Variants in C13orf42 observed in about 807,000 individuals in gnomAD.
C13orf42 encodes the protein chromosome 13 open reading frame 42, also known as uncharacterized protein C13orf42.
intron 1 of C13orf42, among the ~76,000 whole-genome samples, chr13:51,109,478 C>T (rs557811675): frequency 1.3e-5 from 2 of 152,042 alleles, no homozygotes; most frequent in Non-Finnish European, 2.9e-5. Context: ...CTGAGTTTGG[C>T]GACTCATACC....
Position 51,151,001 on chromosome 13 carries a change from GGCCTGAGCTGTGT to G in C13orf42, n.136+21239_136+21251del, listed in dbSNP as rs141862882. Among the ~76,000 whole-genome samples the G allele has an allele frequency of 4.5e-3, 679 of 152,232 alleles. 3 individuals carry two copies. The highest frequency in any genetic ancestry group is 0.016 in the African/African-American group (650 of 41,534). ...ATCTTCAACTCTTCAGAACCCCCCTGGCCTGAGCTGTGTGCATAAGGCCAATCACAGGCACAAA... is the reference window on the plus strand; with the variant it reads ...ATCTTCAACTCTTCAGAACCCCCCTGGCATAAGGCCAATCACAGGCACAAA... On this transcript the variant is annotated intron_variant and non_coding_transcript_variant, in intron 1 of 4. Coordinates refer to the C13orf42 transcript ENST00000433280.
At chr13:51,116,309 C>G (rs1322540908) in intron 1 of C13orf42, among the ~76,000 whole-genome samples, 1 of 152,026 alleles carries the variant, frequency 6.6e-6, no homozygotes, top group Non-Finnish European at 1.5e-5. Context: ...TAATGAGAGG[C>G]TGGGTTGGAG....
intron 1 of C13orf42, among the ~76,000 whole-genome samples, chr13:51,133,843 G>A (rs370846219): frequency 1.2e-4 from 18 of 152,306 alleles, no homozygotes; most frequent in African/African-American, 4.1e-4. Context: ...CAGACATCTG[G>A]AAACTGACTC....
intron 1 of C13orf42, among the ~76,000 whole-genome samples, chr13:51,100,269 G>C (rs527243057): frequency 1.3e-5 from 2 of 151,962 alleles, no homozygotes; most frequent in Non-Finnish European, 2.9e-5. Context: ...TGAAAGCAAC[G>C]GAAGAAATTA....
upstream of C13orf42, among the ~76,000 whole-genome samples, chr13:51,115,792 T>C (rs1047220466): frequency 6.6e-6 from 1 of 152,222 alleles, no homozygotes; most frequent in Non-Finnish European, 1.5e-5. Flanking sequence ...GTGTATCCCA[T>C]GTCACGAAGT....
intron 1 of C13orf42, among the ~76,000 whole-genome samples, chr13:51,100,055 C>T (rs1953271663): frequency 6.6e-6 from 1 of 151,928 alleles, no homozygotes; most frequent in South Asian, 2.1e-4. Context: ...ATATACATGC[C>T]AGTTGTCAAT....
At chr13:51,167,064 G>A (rs1332921218) in intron 1 of C13orf42, among the ~76,000 whole-genome samples, 3 of 150,306 alleles carry the variant, frequency 2.0e-5, no homozygotes, top group South Asian at 2.1e-4. Flanking sequence ...GGGTGACAGA[G>A]TGAGACCCCA....
chr13:51,108,098 C>A (rs550787509), intron 1 of C13orf42, among the ~76,000 whole-genome samples: 1 of 152,248 alleles, frequency 6.6e-6, no homozygotes, highest in East Asian at 1.9e-4. Flanking sequence ...TGGCTTTTGT[C>A]CGTGGCATTC....
intron 1 of C13orf42, among the ~76,000 whole-genome samples, chr13:51,135,767 G>A (rs1431890693): frequency 6.6e-6 from 1 of 152,022 alleles, no homozygotes; most frequent in Non-Finnish European, 1.5e-5. Flanking sequence ...AAGATTCCAA[G>A]AGGCATCTGC....
At chr13:51,168,931 A>C (rs1953922723) in intron 1 of C13orf42, among the ~76,000 whole-genome samples, 2 of 152,056 alleles carry the variant, frequency 1.3e-5, no homozygotes, top group African/African-American at 4.8e-5. Context: ...TTCCGCCATA[A>C]TTGTAAGTTT....
intron 1 of C13orf42, among the ~76,000 whole-genome samples, chr13:51,170,370 C>G (rs1185204980): frequency 6.6e-6 from 1 of 152,160 alleles, no homozygotes; most frequent in Non-Finnish European, 1.5e-5. Flanking sequence ...AATCCCCTGT[C>G]CTCCTGCTCT....
intron 1 of C13orf42, among the ~76,000 whole-genome samples, chr13:51,135,039 G>C (rs1312206237): frequency 2.0e-5 from 3 of 152,194 alleles, no homozygotes; most frequent in Non-Finnish European, 4.4e-5. Flanking sequence ...CCCCTTGCCT[G>C]CCCTGGGCAA....
chr13:51,129,733 G>A (rs895668419), intron 1 of C13orf42, among the ~76,000 whole-genome samples: 5 of 152,204 alleles, frequency 3.3e-5, no homozygotes, highest in Non-Finnish European at 5.9e-5. Flanking sequence ...TTAAGCTGTA[G>A]TGAATCTGGT....
intron 1 of C13orf42, among the ~76,000 whole-genome samples, chr13:51,091,252 C>G (rs1403508194): frequency 6.6e-6 from 1 of 152,170 alleles, no homozygotes; most frequent in South Asian, 2.1e-4. Flanking sequence ...TTGGATCCTG[C>G]TGTGGCTGGG....
At chr13:51,148,970 G>A (rs1466432267) in intron 1 of C13orf42, among the ~76,000 whole-genome samples, 3 of 152,176 alleles carry the variant, frequency 2.0e-5, no homozygotes, top group African/African-American at 7.2e-5. Context: ...AATGGGTGCT[G>A]TTTTCCTTCC....
At chr13:51,117,003 T>C (rs59612004) in intron 1 of C13orf42, among the ~76,000 whole-genome samples, 12,391 of 152,272 alleles carry the variant, frequency 0.081, 576 homozygotes, top group Middle Eastern at 0.13. Context: ...TCTATTGATT[T>C]AGTCAAATCA....
At chr13:51,093,915 C>T (rs1329452581) in intron 1 of C13orf42, among the ~76,000 whole-genome samples, 1 of 152,084 alleles carries the variant, frequency 6.6e-6, no homozygotes, top group Non-Finnish European at 1.5e-5. Flanking sequence ...TAAATTGATA[C>T]CCTAGAAAGT....
At chr13:51,095,228 A>C (rs909875151) in intron 1 of C13orf42, among the ~76,000 whole-genome samples, 2 of 152,058 alleles carry the variant, frequency 1.3e-5, no homozygotes, top group African/African-American at 4.8e-5. Flanking sequence ...TTTTTATCTT[A>C]GTTATGCTGT....
chr13:51,165,195 C>T (rs954175129), intron 1 of C13orf42, among the ~76,000 whole-genome samples: 1 of 152,186 alleles, frequency 6.6e-6, no homozygotes, highest in African/African-American at 2.4e-5. Flanking sequence ...ACCCTCCTGG[C>T]TGAGCTGCCT....
Sources: gnomAD v4.1 joint callset for allele counts (sites outside exome capture counted in the v4.1 genomes callset) on GRCh38, gnomAD v4.1.1 for gene constraint, MANE v1.5 for transcripts, NCBI Gene and HGNC (gene_info 2026-07-23, HGNC 2026-07-21) for gene names.